The following GRM4 variants were observed in gnomAD, a reference collection of about 807,000 sequenced individuals.
GRM4 encodes the protein glutamate metabotropic receptor 4.
Under a neutral mutation model 81.7 loss-of-function variants are expected in GRM4, and 28 were observed. The observed-to-expected ratio is 0.34, with a 90% CI of 0.25 to 0.47. The LOEUF (loss-of-function observed/expected upper bound fraction) is 0.47. Ranked by LOEUF, GRM4 falls within the 20% of genes least tolerant of loss-of-function variation. GRM4 has a pLI of 1.00. For missense variants in GRM4, 948 were observed against 1,290.0 expected (o/e 0.73, Z 4.06); for synonymous variants, 488 against 528.8 (o/e 0.92, Z 1.06).
chr6:34,027,025 C>T (rs988182824), intron 10 of GRM4, among the ~76,000 whole-genome samples: 2 of 152,270 alleles, frequency 1.3e-5, no homozygotes, highest in Non-Finnish European at 2.9e-5. Context: ...TCCAGGTAGA[C>T]ATGAAAGGCC....
At chr6:34,096,058 GC>G (rs1159017997) in intron 2 of GRM4, among the ~76,000 whole-genome samples, 6 of 152,298 alleles carry the variant, frequency 3.9e-5, no homozygotes, top group Admixed American at 3.9e-4. Flanking sequence ...AGGGAATGGT[GC>G]CCGCCCTGGT....
At chr6:34,137,464 CAACA>C (rs1467111855) in intron 1 of GRM4, among the ~76,000 whole-genome samples, 2 of 152,382 alleles carry the variant, frequency 1.3e-5, no homozygotes, top group African/African-American at 2.4e-5. Flanking sequence ...TTTCCCCAAC[CAACA>C]GTCAGGGTAA....
At position 34,059,034 on chromosome 6, in the gene GRM4, G is replaced by T. The variant is rs937880546; in HGVS notation, c.967C>A (p.His323Asn). 15 of 1,613,586 alleles carry T rather than the reference G, an allele frequency of 9.3e-6. No homozygotes were observed. The highest frequency in any genetic ancestry group is 1.3e-5 in the Non-Finnish European group (15 of 1,179,818). ...SWGSKIAPVL[H>N]LEEVAEGAVT... ...GCACCCTCAGCCACCTCCTCCAGGTGCAGCACAGGTGCAATCTTGGAGCCC... is the reference window on the plus strand; with the variant it reads ...GCACCCTCAGCCACCTCCTCCAGGTTCAGCACAGGTGCAATCTTGGAGCCC... The change falls in exon 5 of 11, where the codon CAC (histidine) becomes AAC (asparagine). Residue 323 changes from histidine to asparagine, a missense_variant. Physicochemically the swap from His to Asn is moderately conservative, Grantham distance 68. Coordinates refer to ENST00000538487, the MANE Select transcript of GRM4 (RefSeq NM_000841.4). This position sits in a 1 kb window ranked among gnomAD's most constrained non-coding sequence, Gnocchi z 5.7.
chr6:34,023,167 C>T (rs1763973526), intron 10 of GRM4, among the ~76,000 whole-genome samples: 1 of 152,244 alleles, frequency 6.6e-6, no homozygotes. Context: ...TCCCTTTGTA[C>T]TCTAGAGATG....
At chr6:34,028,445 A>C (rs1764250318) in intron 9 of GRM4, 79 bp from the exon 10 acceptor site, 1 of 1,479,210 alleles carries the variant, frequency 6.8e-7, no homozygotes, top group Admixed American at 2.0e-5. Context: ...CCACCCAGGG[A>C]CCCACCCGGC....
At chr6:34,103,638 G>A in intron 2 of GRM4, 1 of 1,535,158 alleles carries the variant, frequency 6.5e-7, no homozygotes, top group Non-Finnish European at 8.7e-7. Flanking sequence ...TGTGGGGGAG[G>A]CCGGGAGGAG....
intron 3 of GRM4, among the ~76,000 whole-genome samples, chr6:34,072,856 AATCAC>A (rs1767029687): frequency 1.4e-5 from 1 of 69,000 alleles, no homozygotes; most frequent in Non-Finnish European, 3.4e-5. Context: ...CCACACACAC[AATCAC>A]CACACAGATG....
chr6:34,072,637 CCACA>C (rs568587611), intron 3 of GRM4, among the ~76,000 whole-genome samples: 67 of 58,078 alleles, frequency 1.2e-3, no homozygotes, highest in Non-Finnish European at 2.7e-3. Flanking sequence ...TAGATACACA[CCACA>C]CACACACACA....
intron 4 of GRM4, 51 bp downstream of exon 4, chr6:34,061,842 G>T (rs761234793): frequency 6.3e-7 from 1 of 1,576,202 alleles, no homozygotes. Context: ...CCGTGGCTTT[G>T]CCCACACCTG....
chr6:34,154,221 C>G (rs930183927), intron 1 of GRM4, among the ~76,000 whole-genome samples: 1 of 152,228 alleles, frequency 6.6e-6, no homozygotes, highest in African/African-American at 2.4e-5. Context: ...CAGGCTGCTG[C>G]GATGGCCCTG....
intron 2 of GRM4, chr6:34,110,666 T>A: frequency 6.9e-7 from 1 of 1,455,022 alleles, no homozygotes; most frequent in Non-Finnish European, 9.3e-7. Flanking sequence ...CCACCTTACA[T>A]GACATGTCTC....
Position 34,036,242 on chromosome 6 carries a change from C to T in GRM4, c.1868G>A (p.Arg623His), listed in dbSNP as rs149277708. The change falls in exon 9 of 11, where the codon CGT (arginine) becomes CAT (histidine). Residue 623 changes from arginine to histidine, a missense_variant. Coordinates refer to ENST00000538487, the MANE Select transcript of GRM4 (RefSeq NM_000841.4). The surrounding 1 kb of genome is among the most constrained non-coding windows in gnomAD (Gnocchi z 9.0). ...NDTPIVKASG[R>H]ELSYVLLAGI... ...TGCCAGCAGCACGTAGCTCAGTTCACGGCCCGAGGCCTTGACGATGGGCGT... is the reference window on the plus strand; with the variant it reads ...TGCCAGCAGCACGTAGCTCAGTTCATGGCCCGAGGCCTTGACGATGGGCGT... 1.1e-5 allele frequency: 18 copies of T among 1,614,016 alleles called. No individual in the cohort carries two copies. Among genetic ancestry groups the T allele is most frequent in the Admixed American group, 3.3e-5 (2 of 60,000 alleles).
rs1016088319 is a variant in GRM4 at position 34,047,820 on chromosome 6, T to C, written c.1169-7072A>G. ...CAGCTTACCCAGTGGGAGTCGATTC[T>C]TGACTCCCTCTCAAGTGTTCTTTTA... On this transcript the variant is annotated intron_variant, in intron 6 of 10. Transcript: ENST00000538487. This position sits in a 1 kb window ranked among gnomAD's most constrained non-coding sequence, Gnocchi z 4.5. Among the ~76,000 whole-genome samples the C allele has an allele frequency of 1.3e-5, 2 of 152,194 alleles. No individual in the cohort carries two copies. Among genetic ancestry groups the C allele is most frequent in the Non-Finnish European group, 2.9e-5 (2 of 68,028 alleles).
Position 34,145,562 on chromosome 6 carries a change from G to A in GRM4, c.-364+438C>T, listed in dbSNP as rs961983744. Among the ~76,000 whole-genome samples, 37 of 152,316 alleles carry A rather than the reference G, an allele frequency of 2.4e-4. 1 individual carries two copies. Among genetic ancestry groups the A allele is most frequent in the Middle Eastern group, 3.4e-3 (1 of 294 alleles). The stretch of plus-strand genomic sequence containing the variant: ...CGGCAACAGCAGCAGGAAAAAAAAT[G>A]AGAGCGAGCTAGAGAGCGCGCTGGA... On this transcript the variant is annotated intron_variant, in intron 1 of 10. Coordinates refer to ENST00000538487, the MANE Select transcript of GRM4 (RefSeq NM_000841.4).
chr6:34,056,296 C>A (rs1386492795), intron 6 of GRM4: 9 of 530,488 alleles, frequency 1.7e-5, no homozygotes, highest in Non-Finnish European at 3.1e-5. Context: ...TCCACATCAA[C>A]CCCGAGGCGG....
At chr6:34,085,547 T>C (rs1396068244) in intron 3 of GRM4, among the ~76,000 whole-genome samples, 1 of 152,152 alleles carries the variant, frequency 6.6e-6, no homozygotes, top group Non-Finnish European at 1.5e-5. Context: ...TTTGCCCCTC[T>C]GTAGGCTGAG....
At chr6:34,056,440 G>A (rs577197633) in intron 6 of GRM4, 104 bp downstream of exon 6, 46 of 1,055,690 alleles carry the variant, frequency 4.4e-5, no homozygotes, top group African/African-American at 6.4e-5. Context: ...TGCCACGGCC[G>A]GCCGACGACA....
At chr6:34,135,050 CA>C (rs917090710) in intron 1 of GRM4, among the ~76,000 whole-genome samples, 55 of 152,192 alleles carry the variant, frequency 3.6e-4, no homozygotes, top group African/African-American at 1.3e-3. Flanking sequence ...AGGGGTTTGT[CA>C]AATGAAGACC....
At chr6:34,149,061 A>G (rs899623346), upstream of GRM4, among the ~76,000 whole-genome samples, 1 of 152,172 alleles carries the variant, frequency 6.6e-6, no homozygotes, top group African/African-American at 2.4e-5. Flanking sequence ...CTGAGGTCTG[A>G]CCTAACTCCC....
Sources: gnomAD v4.1 joint callset for allele counts (sites outside exome capture counted in the v4.1 genomes callset) on GRCh38, gnomAD v4.1.1 for gene constraint, Gnocchi (gnomAD v3.1) non-coding constraint, MANE v1.5 for transcripts, NCBI Gene and HGNC (gene_info 2026-07-23, HGNC 2026-07-21) for gene names.